Variants in MAPK4 observed in about 807,000 individuals in gnomAD.
The protein encoded by MAPK4 is Erk3-related.
Under a neutral mutation model 47.7 loss-of-function variants are expected in MAPK4, and 22 were observed. The ratio of observed to expected loss-of-function variants is 0.46; its 90% CI spans 0.33 to 0.66. The LOEUF (loss-of-function observed/expected upper bound fraction) is 0.66, where lower values mean the gene tolerates loss of function less well. Ranked by LOEUF, MAPK4 falls within the 30% of genes least tolerant of loss-of-function variation. The probability of loss-of-function intolerance (pLI) is 0.02; values close to 1 mark genes in which losing one functional copy is unlikely to be tolerated. For missense variants in MAPK4, 736 were observed against 831.7 expected (o/e 0.88, Z 1.42); for synonymous variants, 390 against 365.7 (o/e 1.07, Z -0.76).
intron 2 of MAPK4, among the ~76,000 whole-genome samples, chr18:50,681,559 G>A (rs1417293468): frequency 6.6e-6 from 1 of 152,150 alleles, no homozygotes; most frequent in Non-Finnish European, 1.5e-5. Flanking sequence ...TAGCTCTTCA[G>A]TTTAGGTCTT....
At chr18:50,625,181 G>A (rs982429004) in intron 1 of MAPK4, among the ~76,000 whole-genome samples, 2 of 152,186 alleles carry the variant, frequency 1.3e-5, no homozygotes, top group Admixed American at 1.3e-4. Flanking sequence ...GGGCACAGGG[G>A]GAGGCATGGG....
At chr18:50,592,173 G>T (rs1431363498) in intron 1 of MAPK4, among the ~76,000 whole-genome samples, 1 of 152,122 alleles carries the variant, frequency 6.6e-6, no homozygotes, top group African/African-American at 2.4e-5. Context: ...AATGAGATTG[G>T]GAACTCTAGA....
chr18:50,571,407 G>A (rs2042248700), intron 1 of MAPK4, among the ~76,000 whole-genome samples: 1 of 152,158 alleles, frequency 6.6e-6, no homozygotes, highest in South Asian at 2.1e-4. Flanking sequence ...TTTTGAAGAG[G>A]CAAATTTTCT....
intron 1 of MAPK4, among the ~76,000 whole-genome samples, chr18:50,602,460 C>G (rs915311462): frequency 1.3e-5 from 2 of 152,198 alleles, no homozygotes; most frequent in African/African-American, 4.8e-5. Flanking sequence ...GCCCTGCCCC[C>G]TGAGCCTAGC....
At chr18:50,632,579 T>C (rs968140448) in intron 1 of MAPK4, among the ~76,000 whole-genome samples, 3 of 151,930 alleles carry the variant, frequency 2.0e-5, no homozygotes, top group African/African-American at 4.8e-5. Flanking sequence ...CTCTGGACTT[T>C]AATCATTCCT....
At chr18:50,603,582 C>A (rs569900012) in intron 1 of MAPK4, among the ~76,000 whole-genome samples, 3 of 152,316 alleles carry the variant, frequency 2.0e-5, no homozygotes, top group East Asian at 3.9e-4. Flanking sequence ...GTCATCAGTC[C>A]TGTCTCTGCC....
chr18:50,646,489 G>A (rs559611688), intron 1 of MAPK4, among the ~76,000 whole-genome samples: 32 of 152,316 alleles, frequency 2.1e-4, no homozygotes, highest in African/African-American at 7.2e-4. Flanking sequence ...CTGGGAGCAC[G>A]GAATGGAGCA....
At chr18:50,723,877 A>AG (rs889005264) in intron 4 of MAPK4, among the ~76,000 whole-genome samples, 27 of 151,882 alleles carry the variant, frequency 1.8e-4, no homozygotes, top group Non-Finnish European at 3.4e-4. Context: ...AAAAAAAAAA[A>AG]AAAGAAATGA....
At chr18:50,592,461 C>T (rs748009009) in intron 1 of MAPK4, among the ~76,000 whole-genome samples, 1 of 152,152 alleles carries the variant, frequency 6.6e-6, no homozygotes, top group Non-Finnish European at 1.5e-5. Flanking sequence ...ATAAGAGAAT[C>T]AAAGACACTA....
intron 1 of MAPK4, among the ~76,000 whole-genome samples, chr18:50,617,817 A>G (rs2042698015): frequency 1.3e-5 from 2 of 152,188 alleles, no homozygotes; most frequent in Non-Finnish European, 2.9e-5. Flanking sequence ...CTCATTTTCT[A>G]TCTCTGTGAC....
chr18:50,570,531 A>T (rs2042240384), intron 1 of MAPK4, among the ~76,000 whole-genome samples: 1 of 151,850 alleles, frequency 6.6e-6, no homozygotes, highest in Non-Finnish European at 1.5e-5. Context: ...GTTTCCTTCC[A>T]TTCAAACTGG....
chr18:50,606,954 T>C (rs1380056142), intron 1 of MAPK4, among the ~76,000 whole-genome samples: 3 of 152,186 alleles, frequency 2.0e-5, no homozygotes, highest in African/African-American at 7.2e-5. Context: ...AGTGACTACG[T>C]GAGCCGAGTC....
At chr18:50,682,239 T>C (rs1908629685) in intron 2 of MAPK4, among the ~76,000 whole-genome samples, 1 of 152,162 alleles carries the variant, frequency 6.6e-6, no homozygotes, top group Non-Finnish European at 1.5e-5. Flanking sequence ...AATTATATCT[T>C]GAAAAAAATT....
chr18:50,640,826 A>G lies in MAPK4; in HGVS notation c.-870-22263A>G, dbSNP rs571444691. 1.7e-4 allele frequency among the ~76,000 whole-genome samples: 26 copies of G among 152,114 alleles called. 1 individual carries two copies. In the South Asian group the frequency reaches 3.9e-3, roughly 23 times the overall value. ...GGCTTAAACACACACACACACACGC[A>G]CACACACACTGATGCATTAGTGCCT... On this transcript the variant is annotated intron_variant, in intron 1 of 5. Transcript: ENST00000400384.
intron 2 of MAPK4, among the ~76,000 whole-genome samples, chr18:50,667,942 G>A (rs926437105): frequency 2.0e-5 from 3 of 152,102 alleles, no homozygotes; most frequent in Non-Finnish European, 2.9e-5. Context: ...TCCTTCCCAC[G>A]AGTCATATTA....
chr18:50,728,870 C>T (rs143229452), intron 5 of MAPK4, among the ~76,000 whole-genome samples: 82 of 152,356 alleles, frequency 5.4e-4, no homozygotes, highest in Non-Finnish European at 9.3e-4. Flanking sequence ...TTGTTCACTG[C>T]TGTATTCAGT....
chr18:50,565,585 G>A (rs76678912), intron 1 of MAPK4, among the ~76,000 whole-genome samples: 3,211 of 152,270 alleles, frequency 0.021, 111 homozygotes, highest in African/African-American at 0.073. Context: ...AGTAATTTAA[G>A]TACAGTTGTG....
chr18:50,597,167 T>A (rs2042489621), intron 1 of MAPK4, among the ~76,000 whole-genome samples: 2 of 152,222 alleles, frequency 1.3e-5, no homozygotes, highest in Non-Finnish European at 2.9e-5. Flanking sequence ...TGTTGATCCC[T>A]AGAGAAAAGA....
chr18:50,677,915 G>A lies in MAPK4; in HGVS notation c.546+13411G>A, dbSNP rs1244325996. Among the ~76,000 whole-genome samples the A allele has an allele frequency of 3.3e-5, 5 of 152,118 alleles. No homozygotes were observed. In the East Asian group the frequency reaches 9.6e-4, roughly 29 times the overall value. On this transcript the variant is annotated intron_variant, in intron 2 of 5. Transcript: ENST00000400384. ...GCTCTGCCTCAGGCTGCAGCCTCTG[G>A]GAAGAGGAGACTTCTGGACAGGCTG...
Sources: gnomAD v4.1 joint callset for allele counts (sites outside exome capture counted in the v4.1 genomes callset) on GRCh38, gnomAD v4.1.1 for gene constraint, MANE v1.5 for transcripts, NCBI Gene and HGNC (gene_info 2026-07-23, HGNC 2026-07-21) for gene names.